Variants in RTL4 observed in about 807,000 individuals in gnomAD.
RTL4 encodes retrotransposon Gag like 4, also known as retrotransposon Gag-like protein 4.
In RTL4, 4 loss-of-function variants were observed where a neutral mutation model predicts 5.3. The observed-to-expected ratio is 0.75, with a 90% CI of 0.37 to 1.72. RTL4 has a LOEUF of 1.72. RTL4 is among the 40% of genes most tolerant of loss of function. The probability of loss-of-function intolerance (pLI) is 0.04; values close to 1 mark genes in which losing one functional copy is unlikely to be tolerated. For synonymous variants in RTL4, 98 were observed against 87.3 expected (o/e 1.12, Z -0.68); for missense variants, 260 against 227.1 (o/e 1.14, Z -0.93).
chrX:112,214,644 C>T, the RTL4 span, among the ~76,000 whole-genome samples: 7 of 112,138 alleles, frequency 6.2e-5, no homozygotes, highest in Non-Finnish European at 1.1e-4. Flanking sequence ...GAATATAAGG[C>T]TTCTCTTTTC....
the RTL4 span, among the ~76,000 whole-genome samples, chrX:112,387,422 G>A: frequency 1.0e-4 from 11 of 107,513 alleles, no homozygotes; most frequent in African/African-American, 3.8e-4. Flanking sequence ...CACATCACAG[G>A]ACTTTTTGCA....
At chrX:112,206,051 G>C in the RTL4 span, among the ~76,000 whole-genome samples, 12 of 111,645 alleles carry the variant, frequency 1.1e-4, no homozygotes, top group African/African-American at 3.9e-4. Flanking sequence ...TTATTGACTT[G>C]TGCTCTTCTC....
chrX:112,456,504 T>A (rs918788499), exon 1 of RTL4: 7 of 301,831 alleles, frequency 2.3e-5, no homozygotes, highest in African/African-American at 1.7e-4. Context: ...CAAGTCAATA[T>A]GCTCTAGGAT....
the RTL4 span, among the ~76,000 whole-genome samples, chrX:112,313,607 CCT>C: frequency 0.019 from 1,936 of 100,560 alleles, 12 homozygotes; most frequent in African/African-American, 0.041. Flanking sequence ...TGCTTCAGAA[CCT>C]CTCTCTCTCT....
chrX:112,343,292 C>T, the RTL4 span, among the ~76,000 whole-genome samples: 1 of 111,795 alleles, frequency 8.9e-6, no homozygotes, highest in Non-Finnish European at 1.9e-5. Context: ...TTTTAAAATG[C>T]TTTGTGCCTG....
chrX:112,439,237 C>T, the RTL4 span, among the ~76,000 whole-genome samples: 2 of 111,428 alleles, frequency 1.8e-5, no homozygotes, highest in Admixed American at 1.9e-4. Flanking sequence ...CCAGAAAATT[C>T]CATATCAATG....
the RTL4 span, among the ~76,000 whole-genome samples, chrX:112,171,620 A>T: frequency 1.8e-5 from 2 of 111,513 alleles, no homozygotes; most frequent in African/African-American, 3.3e-5. Flanking sequence ...ATCATTTCCG[A>T]TTGTGTCTAT....
At chrX:112,156,527 A>G in the RTL4 span, among the ~76,000 whole-genome samples, 3 of 112,142 alleles carry the variant, frequency 2.7e-5, no homozygotes, top group Non-Finnish European at 5.6e-5. Flanking sequence ...ACAGGGCCAT[A>G]GTACTCCTGG....
At chrX:112,324,056 C>T in the RTL4 span, among the ~76,000 whole-genome samples, 1 of 112,385 alleles carries the variant, frequency 8.9e-6, no homozygotes, top group African/African-American at 3.2e-5. Flanking sequence ...TTTATCACTC[C>T]ACAAAGAAAT....
chrX:112,104,972 A>G, the RTL4 span, among the ~76,000 whole-genome samples: 1 of 111,728 alleles, frequency 9.0e-6, no homozygotes, highest in Non-Finnish European at 1.9e-5. Context: ...TGCCCAGACC[A>G]ATTTCATCAA....
chrX:112,198,094 G>A, the RTL4 span, among the ~76,000 whole-genome samples: 2 of 111,657 alleles, frequency 1.8e-5, no homozygotes, highest in Admixed American at 9.5e-5. Flanking sequence ...ATGTGACTAA[G>A]CAGATAATGG....
the RTL4 span, among the ~76,000 whole-genome samples, chrX:112,374,767 A>G: frequency 9.0e-6 from 1 of 111,688 alleles, no homozygotes; most frequent in South Asian, 3.8e-4. Flanking sequence ...TCTTCCTTCA[A>G]AACTGAGGAA....
the RTL4 span, among the ~76,000 whole-genome samples, chrX:112,194,994 A>C: frequency 8.9e-6 from 1 of 112,207 alleles, no homozygotes; most frequent in Non-Finnish European, 1.9e-5. Flanking sequence ...CATGAGCAAA[A>C]GCATGGAAGT....
the RTL4 span, among the ~76,000 whole-genome samples, chrX:112,194,243 T>C: frequency 8.9e-6 from 1 of 112,155 alleles, no homozygotes; most frequent in Non-Finnish European, 1.9e-5. Flanking sequence ...AGACTAAATA[T>C]TTGTGTTCCC....
chrX:112,273,054 A>T, the RTL4 span, among the ~76,000 whole-genome samples: 1 of 108,178 alleles, frequency 9.2e-6, no homozygotes, highest in East Asian at 2.8e-4. Context: ...TGTCAAAACA[A>T]GATGTTCTTT....
chrX:112,093,194 A>C, the RTL4 span, among the ~76,000 whole-genome samples: 2 of 111,337 alleles, frequency 1.8e-5, no homozygotes, highest in Non-Finnish European at 1.9e-5. Context: ...CTTCTGAATC[A>C]TTTCTTTGCC....
the RTL4 span, among the ~76,000 whole-genome samples, chrX:112,158,998 T>C: frequency 5.3e-5 from 6 of 112,345 alleles, no homozygotes; most frequent in Non-Finnish European, 1.1e-4. Context: ...ATCTGTGTTT[T>C]AAAATTTTAC....
chrX:112,129,507 A>AAAAC, the RTL4 span, among the ~76,000 whole-genome samples: 3 of 112,348 alleles, frequency 2.7e-5, no homozygotes, highest in Non-Finnish European at 5.6e-5. Context: ...GTATTAGCAA[A>AAAAC]AAACAAACAA....
the RTL4 span, among the ~76,000 whole-genome samples, chrX:112,201,248 C>T: frequency 1.8e-5 from 2 of 111,268 alleles, no homozygotes; most frequent in Non-Finnish European, 3.8e-5. Context: ...GATTCAATTA[C>T]CTCCACCTGG....
Sources: allele counts gnomAD v4.1 joint callset (sites outside exome capture counted in the v4.1 genomes callset), GRCh38; gene constraint gnomAD v4.1.1; transcripts MANE v1.5; gene names NCBI Gene and HGNC (gene_info 2026-07-23, HGNC 2026-07-21).